The following ARHGEF10 variants were observed in gnomAD, a reference collection of about 807,000 sequenced individuals.
ARHGEF10 encodes the protein Rho guanine nucleotide exchange factor (GEF) 10.
Under a neutral mutation model 147.4 loss-of-function variants are expected in ARHGEF10, and 140 were observed. The ratio of observed to expected loss-of-function variants is 0.95; its 90% confidence interval spans 0.83 to 1.09. The LOEUF (loss-of-function observed/expected upper bound fraction) is 1.09, where lower values mean the gene tolerates loss of function less well. Among genes scored for constraint, ARHGEF10 ranks in the 50% least tolerant of loss-of-function variants. ARHGEF10 has a pLI of 0.00. For synonymous variants in ARHGEF10, 902 were observed against 695.8 expected, an observed-to-expected ratio of 1.30 and a Z score of -4.67; for missense variants, 2,222 against 1,752.7, an observed-to-expected ratio of 1.27 and a Z score of -4.78.
intron 11 of ARHGEF10, among the ~76,000 whole-genome samples, chr8:1,891,499 GT>G (rs1809522865): frequency 6.6e-6 from 1 of 152,202 alleles, no homozygotes; most frequent in African/African-American, 2.4e-5. Context: ...AGAGGATCCT[GT>G]CCCGTCCCCA....
intron 15 of ARHGEF10, among the ~76,000 whole-genome samples, chr8:1,900,145 G>C (rs1810335230): frequency 6.6e-6 from 1 of 152,110 alleles, no homozygotes; most frequent in Non-Finnish European, 1.5e-5. Flanking sequence ...GTTAGGTTTT[G>C]GTTAAATGTA....
chr8:1,843,046 A>C (rs1389789271), intron 1 of ARHGEF10, among the ~76,000 whole-genome samples: 1 of 152,244 alleles, frequency 6.6e-6, no homozygotes, highest in Non-Finnish European at 1.5e-5. Flanking sequence ...AAATTCAGCA[A>C]GGAGTTAAAG....
chr8:1,905,056 G>A lies in ARHGEF10; in HGVS notation c.1822-515G>A, dbSNP rs545939778. On this transcript the variant is annotated intron_variant, in intron 16 of 28. Transcript: ENST00000349830. ...AGGCACGAGAATCAATTGAACCCAG[G>A]AGGTGGAGGTTGCAGTGAGTTGAGA... Among the ~76,000 whole-genome samples the A allele has an allele frequency of 9.3e-4, 141 of 152,318 alleles. 2 individuals carry two copies. Among genetic ancestry groups the A allele is most frequent in the Non-Finnish European group, 1.7e-3 (118 of 68,026 alleles).
chr8:1,841,712 C>T (rs1804045765), intron 1 of ARHGEF10, among the ~76,000 whole-genome samples: 1 of 152,084 alleles, frequency 6.6e-6, no homozygotes, highest in African/African-American at 2.4e-5. Flanking sequence ...GTCGTGTTAA[C>T]AGATGAGACA....
intron 26 of ARHGEF10, among the ~76,000 whole-genome samples, chr8:1,941,734 G>C (rs1356228717): frequency 1.3e-5 from 2 of 152,218 alleles, no homozygotes; most frequent in Admixed American, 1.3e-4. Context: ...CAGTAAGCAA[G>C]ACAGCATGGT....
intron 25 of ARHGEF10, among the ~76,000 whole-genome samples, chr8:1,931,013 A>G (rs932619272): frequency 1.3e-5 from 2 of 152,146 alleles, no homozygotes; most frequent in African/African-American, 4.8e-5. Context: ...TCATGATTTC[A>G]GTTCTCCATG....
intron 18 of ARHGEF10, among the ~76,000 whole-genome samples, chr8:1,912,830 A>G (rs749852215): frequency 6.6e-6 from 1 of 152,018 alleles, no homozygotes; most frequent in Non-Finnish European, 1.5e-5. Flanking sequence ...TTCTGGGGTG[A>G]TTTTAAAGGT....
chr8:1,882,805 C>A, intron 10 of ARHGEF10, 56 bp downstream of exon 10: 2 of 715,448 alleles, frequency 2.8e-6, no homozygotes, highest in South Asian at 3.1e-5. Flanking sequence ...GGGGCGGCCA[C>A]ATCTTGTGGG....
At position 1,956,967 on chromosome 8, in the gene ARHGEF10, C is replaced by G. The variant is rs772885479; in HGVS notation, c.3739C>G (p.Leu1247Val). The G allele has an allele frequency of 1.9e-6, 3 of 1,614,050 alleles. No homozygotes were observed. The highest frequency in any genetic ancestry group is 2.7e-5 in the African/African-American group (2 of 74,944). ...PDAAIWLGDS[L>V]GSMTQKSDLS... Reference sequence around the variant, plus strand: ...CGCAGCCATCTGGTTGGGAGATTCGCTGGGATCGATGACTCAGAAAAGCGA... The same window carrying G: ...CGCAGCCATCTGGTTGGGAGATTCGGTGGGATCGATGACTCAGAAAAGCGA... Residue 1247 changes from leucine (L) to valine (V), a missense_variant, in exon 29 of 29, where the codon CTG becomes GTG. By Grantham distance (32) the Leu-to-Val change is conservative. Coordinates refer to ENST00000349830, the MANE Select transcript of ARHGEF10 (RefSeq NM_014629.4).
chr8:1,891,685 T>C (rs1809539475), intron 11 of ARHGEF10, among the ~76,000 whole-genome samples: 2 of 152,074 alleles, frequency 1.3e-5, no homozygotes, highest in Admixed American at 1.3e-4. Flanking sequence ...CAGGATGGAT[T>C]TCTCCTCTAT....
At chr8:1,924,769 G>T (rs1812559289) in intron 21 of ARHGEF10, among the ~76,000 whole-genome samples, 1 of 152,230 alleles carries the variant, frequency 6.6e-6, no homozygotes, top group African/African-American at 2.4e-5. Flanking sequence ...TGAACGTGCA[G>T]ATAAGCCCCC....
intron 1 of ARHGEF10, among the ~76,000 whole-genome samples, chr8:1,829,120 T>C (rs934724580): frequency 6.6e-6 from 1 of 152,194 alleles, no homozygotes; most frequent in Non-Finnish European, 1.5e-5. Flanking sequence ...GGCCGAGCGC[T>C]CCCCGCCTGC....
In ARHGEF10 at chr8:1,931,831, A is replaced by G. The variant is rs1027420133; in HGVS notation, c.3080-1969A>G. On this transcript the variant is annotated intron_variant, in intron 25 of 28. Coordinates refer to ENST00000349830, the MANE Select transcript of ARHGEF10 (RefSeq NM_014629.4). ...ATCCTGCTGAGGGCTCTGGCCTGGG[A>G]CACATACACAGGGAGAAGTCATCCC... is the stretch of plus-strand genomic sequence containing the variant. 7.2e-5 allele frequency among the ~76,000 whole-genome samples: 11 copies of G among 152,116 alleles called. 1 individual carries two copies. The highest frequency in any genetic ancestry group is 2.4e-4 in the African/African-American group (10 of 41,404).
chr8:1,945,821 C>T (rs916279636), intron 27 of ARHGEF10, 166 bp downstream of exon 27: 20 of 1,082,730 alleles, frequency 1.8e-5, no homozygotes, highest in East Asian at 1.2e-4. Flanking sequence ...CGTGGGAGTA[C>T]GGAGCATGGT....
intron 2 of ARHGEF10, among the ~76,000 whole-genome samples, chr8:1,846,569 A>C (rs1804577566): frequency 6.6e-6 from 1 of 152,124 alleles, no homozygotes; most frequent in East Asian, 1.9e-4. Context: ...GTAGTCATTG[A>C]ATATAAATTT....
Position 1,882,742 on chromosome 8 carries a change from C to T in ARHGEF10, c.1068C>T (p.Ile356=), listed in dbSNP as rs544652863. 3.2e-6 allele frequency: 5 copies of T among 1,545,626 alleles called. No individual in the cohort carries two copies. The highest frequency in any genetic ancestry group is 1.4e-5 in the African/African-American group (1 of 72,098). Residue 356 remains isoleucine (I), a synonymous_variant, in exon 10 of 29, where the codon ATC becomes ATT. Coordinates refer to ENST00000349830, the MANE Select transcript of ARHGEF10 (RefSeq NM_014629.4). ...GRSFIRTKSL[I]AQDHRSSLEE... The stretch of plus-strand genomic sequence containing the variant: ...CCTTCATCAGGACCAAGTCTCTCAT[C>T]GCACAGGGTCCGTGCCTGCAGGTCT...
At chr8:1,865,707 C>G (rs1396182607) in intron 5 of ARHGEF10, among the ~76,000 whole-genome samples, 1 of 131,632 alleles carries the variant, frequency 7.6e-6, no homozygotes, top group Non-Finnish European at 1.6e-5. Context: ...GTGCTCTGCA[C>G]GGATTATCAC....
intron 1 of ARHGEF10, among the ~76,000 whole-genome samples, chr8:1,841,979 GGCGGGA>G (rs1804110560): frequency 1.2e-4 from 8 of 66,064 alleles, no homozygotes; most frequent in South Asian, 4.7e-4. Context: ...CTGGGGCCGC[GGCGGGA>G]ACTGGGGCCG....
chr8:1,837,541 A>C (rs1803658343), intron 1 of ARHGEF10, among the ~76,000 whole-genome samples: 1 of 152,246 alleles, frequency 6.6e-6, no homozygotes, highest in African/African-American at 2.4e-5. Flanking sequence ...GAGAGTAAAC[A>C]ACAGGGCTTA....
Sources: gnomAD v4.1 joint callset for allele counts (sites outside exome capture counted in the v4.1 genomes callset) on GRCh38, gnomAD v4.1.1 for gene constraint, MANE v1.5 for transcripts, NCBI Gene and HGNC (gene_info 2026-07-23, HGNC 2026-07-21) for gene names.